Variants in CDH8 observed in about 807,000 individuals in gnomAD.
CDH8 encodes cadherin 8.
In CDH8, 17 loss-of-function variants were observed where a neutral mutation model predicts 68.1. That is an observed-to-expected ratio of 0.25 (90% CI 0.17 to 0.37). The LOEUF is 0.37. CDH8 is among the 10% of genes least tolerant of loss of function. The pLI, the probability that CDH8 is intolerant of heterozygous loss-of-function variation, is 1.00. For missense variants in CDH8, 763 were observed against 999.3 expected, an observed-to-expected ratio of 0.76 and a Z score of 3.19; for synonymous variants, 372 against 365.1, an observed-to-expected ratio of 1.02 and a Z score of -0.21.
chr16:62,006,368 G>A (rs1597121605), intron 2 of CDH8, among the ~76,000 whole-genome samples: 1 of 152,132 alleles, frequency 6.6e-6, no homozygotes, highest in Non-Finnish European at 1.5e-5. Flanking sequence ...AGGAAGTATA[G>A]GTTTTGGAAA....
chr16:61,782,825 G>A (rs968508729), intron 8 of CDH8, among the ~76,000 whole-genome samples: 4 of 152,152 alleles, frequency 2.6e-5, no homozygotes, highest in Admixed American at 6.5e-5. Context: ...CCCAGCAGGG[G>A]CACACTGACA....
At chr16:62,032,143 G>A (rs1902342184) in intron 1 of CDH8, 1 of 152,108 alleles carries the variant, frequency 6.6e-6, no homozygotes, top group African/African-American at 2.4e-5. Context: ...TACTGGAGGG[G>A]AATTCCCAGC....
intron 2 of CDH8, among the ~76,000 whole-genome samples, chr16:62,012,465 A>G (rs1901836385): frequency 6.6e-6 from 1 of 152,194 alleles, no homozygotes; most frequent in African/African-American, 2.4e-5. Context: ...GATTGGCCAT[A>G]CAAGTGTTTA....
chr16:61,726,858 C>T lies in CDH8; in HGVS notation c.1536+236G>A, dbSNP rs532656950. ...GATATTTTAAGACAGTGATTTGGCTCTGGGTTTGTGGCACAGCAGGTTGTT... is the reference window on the plus strand; with the variant it reads ...GATATTTTAAGACAGTGATTTGGCTTTGGGTTTGTGGCACAGCAGGTTGTT... On this transcript the variant is annotated intron_variant, in intron 9 of 11. Transcript: ENST00000577390. 57 of 509,240 alleles carry T rather than the reference C, an allele frequency of 1.1e-4. No individual in the cohort carries two copies. The East Asian group carries it at 1.7e-3, about 15-fold the overall frequency. The allele number at this position is 509,240 out of a possible 1,614,324, so 31.5% of individuals were successfully genotyped here. A position where few individuals can be genotyped will look rare whatever the true frequency, so the allele number is the denominator to read the frequency against.
intron 8 of CDH8, among the ~76,000 whole-genome samples, chr16:61,771,937 C>T (rs1029887439): frequency 6.6e-6 from 1 of 151,904 alleles, no homozygotes; most frequent in Non-Finnish European, 1.5e-5. Context: ...CTTCTCCAGC[C>T]TAATGTTACT....
At chr16:61,864,688 T>C (rs1308812164) in intron 3 of CDH8, among the ~76,000 whole-genome samples, 1 of 152,148 alleles carries the variant, frequency 6.6e-6, no homozygotes, top group Non-Finnish European at 1.5e-5. Flanking sequence ...GGGCTTCTTT[T>C]TTAACCCTGG....
At chr16:61,674,468 A>C (rs1453452339) in intron 10 of CDH8, among the ~76,000 whole-genome samples, 1 of 151,446 alleles carries the variant, frequency 6.6e-6, no homozygotes, top group African/African-American at 2.4e-5. Context: ...AAAAAAAAAA[A>C]AAACCCTCAC....
At chr16:61,864,631 G>A (rs532928577) in intron 3 of CDH8, among the ~76,000 whole-genome samples, 88 of 152,244 alleles carry the variant, frequency 5.8e-4, no homozygotes, top group African/African-American at 2.0e-3. Flanking sequence ...CAACTTAGGC[G>A]TGTCTTTGCA....
At chr16:62,034,624 T>C (rs1567577449) in intron 1 of CDH8, among the ~76,000 whole-genome samples, 1 of 151,986 alleles carries the variant, frequency 6.6e-6, no homozygotes, top group Non-Finnish European at 1.5e-5. Flanking sequence ...CCCCCAGATA[T>C]CATGACGCCA....
At position 61,652,174 on chromosome 16, in the gene CDH8, C is replaced by A. The variant is rs929835695; in HGVS notation, c.*1434G>T. On this transcript the variant is annotated 3_prime_UTR_variant, in exon 12 of 12. Coordinates refer to ENST00000577390, the MANE Select transcript of CDH8 (RefSeq NM_001796.5). ...TCATACATTTTCTACTCCTAAATGG[C>A]AGGTTTGCATTACAAATTAAATATG... 3 of 982,482 alleles carry A rather than the reference C, an allele frequency of 3.1e-6. No individual in the cohort carries two copies. The highest frequency in any genetic ancestry group is 3.6e-6 in the Non-Finnish European group (3 of 827,392). The allele number at this position is 982,482 out of a possible 1,614,324, so 60.9% of individuals were successfully genotyped here. A position where few individuals can be genotyped will look rare whatever the true frequency, so the allele number is the denominator to read the frequency against.
At chr16:62,010,677 G>T (rs1372120430) in intron 2 of CDH8, among the ~76,000 whole-genome samples, 2 of 151,862 alleles carry the variant, frequency 1.3e-5, no homozygotes, top group African/African-American at 4.8e-5. Context: ...GGTGGCTCAC[G>T]CCTGAAATCC....
intron 7 of CDH8, among the ~76,000 whole-genome samples, chr16:61,804,384 C>T (rs1252628778): frequency 6.6e-6 from 1 of 152,028 alleles, no homozygotes; most frequent in Non-Finnish European, 1.5e-5. Context: ...CCAAAATTCA[C>T]ACCCTAACAT....
chr16:61,817,722 A>G lies in CDH8; in HGVS notation c.1034T>C (p.Phe345Ser). ...TAGCGTATAGGATTTTTTGGTCTCA[A>G]AGTCCAGAGGCTGTTAAGAAATGAC... ...GIIRLRKPLD[F>S]ETKKSYTLKV... Residue 345 changes from phenylalanine (F) to serine (S), a missense_variant, in exon 7 of 12, where the codon TTT (phenylalanine) becomes TCT (serine). This residue lies in a region of CDH8 where 366 missense variants were observed against 563.1 expected (regional missense o/e 0.65). Coordinates refer to ENST00000577390, the MANE Select transcript of CDH8 (RefSeq NM_001796.5). 1 of 1,567,442 alleles carries G rather than the reference A, an allele frequency of 6.4e-7. No individual in the cohort carries two copies. The highest frequency in any genetic ancestry group is 1.2e-5 in the South Asian group (1 of 82,286).
At chr16:61,679,179 A>G (rs1963969044) in intron 10 of CDH8, among the ~76,000 whole-genome samples, 1 of 152,016 alleles carries the variant, frequency 6.6e-6, no homozygotes, top group South Asian at 2.1e-4. Context: ...GAGTTATCCT[A>G]AGTCCCCATA....
chr16:61,984,151 C>T (rs901351646), intron 2 of CDH8, among the ~76,000 whole-genome samples: 3 of 152,138 alleles, frequency 2.0e-5, no homozygotes, highest in Middle Eastern at 3.4e-3. Flanking sequence ...ACTCCTAGAC[C>T]TGGTGATCCG....
intron 2 of CDH8, among the ~76,000 whole-genome samples, chr16:61,918,899 T>A (rs1019772702): frequency 6.7e-6 from 1 of 150,214 alleles, no homozygotes; most frequent in Non-Finnish European, 1.5e-5. Context: ...GTAACCTCTG[T>A]AGACTTAAAT....
chr16:61,857,079 A>C (rs764233220), intron 4 of CDH8, 40 bp downstream of exon 4: 10 of 1,610,662 alleles, frequency 6.2e-6, no homozygotes, highest in Non-Finnish European at 8.5e-6. Flanking sequence ...TCCCTGAAGC[A>C]AAAACATGGC....
At chr16:61,744,722 A>G (rs992767248) in intron 8 of CDH8, among the ~76,000 whole-genome samples, 1 of 151,368 alleles carries the variant, frequency 6.6e-6, no homozygotes, top group Admixed American at 6.6e-5. Flanking sequence ...TTTTAGTGAC[A>G]ACACTAAATA....
chr16:61,667,147 G>C (rs375565323), intron 10 of CDH8: 2 of 151,930 alleles, frequency 1.3e-5, no homozygotes, highest in East Asian at 3.9e-4. Context: ...TGGCTTATTT[G>C]TGACTGCTTT....
Sources: gnomAD v4.1 joint callset for allele counts (sites outside exome capture counted in the v4.1 genomes callset) on GRCh38, gnomAD v4.1.1 for gene constraint, gnomAD v4.1.1 regional missense constraint, MANE v1.5 for transcripts, NCBI Gene and HGNC (gene_info 2026-07-23, HGNC 2026-07-21) for gene names.